LGR4: variants seen among roughly 807,000 people sequenced by gnomAD.
LGR4 encodes the protein leucine rich repeat containing G protein-coupled receptor 4, also known as leucine-rich repeat-containing G protein-coupled receptor 4.
Under a neutral mutation model 84.8 loss-of-function variants are expected in LGR4, and 44 were observed. The ratio of observed to expected loss-of-function variants is 0.52; its 90% CI spans 0.41 to 0.67. The LOEUF is 0.67. LGR4 is among the 30% of genes least tolerant of loss of function. The pLI is 0.00. For synonymous variants in LGR4, 429 were observed against 434.3 expected (o/e 0.99, Z 0.15); for missense variants, 1,032 against 1,131.4 (o/e 0.91, Z 1.26).
Position 27,472,087 on chromosome 11 carries a change from C to CG in LGR4, c.185+30_185+31insC, listed in dbSNP as rs1314833434. On this transcript the variant is annotated intron_variant, in intron 1 of 17. Transcript: ENST00000379214. ...CCCCCGCTGGGCCCCGTTTCCTCCC[C>CG]CCCCCTCGCGTCCCCGCCGCCCGCA... 2.3e-6 allele frequency: 3 copies of CG among 1,279,888 alleles called. No individual in the cohort carries two copies. In the South Asian group the frequency reaches 6.7e-5, roughly 29 times the overall value. The allele number at this position is 1,279,888 out of a possible 1,614,324, so 79.3% of individuals were successfully genotyped here.
chr11:27,423,399 G>A (rs1863959321), intron 1 of LGR4, among the ~76,000 whole-genome samples: 1 of 152,142 alleles, frequency 6.6e-6, no homozygotes, highest in Non-Finnish European at 1.5e-5. Context: ...CAATCACTTC[G>A]CCTCAGGCGA....
intron 1 of LGR4, among the ~76,000 whole-genome samples, chr11:27,448,339 C>T (rs1864427334): frequency 6.7e-6 from 1 of 149,480 alleles, no homozygotes; most frequent in Admixed American, 6.7e-5. Flanking sequence ...GTTGCCCAGG[C>T]TGGAGTGCAA....
chr11:27,400,507 CTTT>C (rs910624511), intron 2 of LGR4, among the ~76,000 whole-genome samples: 5 of 143,878 alleles, frequency 3.5e-5, no homozygotes, highest in Non-Finnish European at 3.1e-5. Flanking sequence ...TTTTCTTTTC[CTTT>C]TTTTTTTTTT....
In LGR4 at chr11:27,385,259, AC is replaced by A; in HGVS notation, c.610del (p.Val204Ter). ...AAAAGGGATAGATACTTACAGAACT[AC>A]CAGGCTTGAAAGGTTGGTAAATGCA... is the stretch of plus-strand genomic sequence containing the variant. ...DFAFTNLSSL[V>X]VLHLHNNKIR... On this transcript the variant is annotated frameshift_variant, in exon 5 of 18. Transcript: ENST00000379214. LOFTEE classifies it high-confidence loss of function. The A allele has an allele frequency of 6.4e-7, 1 of 1,561,092 alleles. No homozygotes were observed. Among genetic ancestry groups the A allele is most frequent in the Non-Finnish European group, 8.7e-7 (1 of 1,149,718 alleles).
At chr11:27,412,888 T>C in intron 1 of LGR4, 28 bp from the exon 2 acceptor site, 1 of 1,424,468 alleles carries the variant, frequency 7.0e-7, no homozygotes. Flanking sequence ...AAGAATATTG[T>C]TAATTAAGTG....
At chr11:27,471,518 C>T (rs1003724981) in intron 1 of LGR4, among the ~76,000 whole-genome samples, 1 of 152,242 alleles carries the variant, frequency 6.6e-6, no homozygotes, top group Non-Finnish European at 1.5e-5. Flanking sequence ...GGGGTAGTCC[C>T]GAGTGGAACT....
Position 27,472,564 on chromosome 11 carries a change from C to T in LGR4, c.-262G>A. On this transcript the variant is annotated 5_prime_UTR_variant, in exon 1 of 18. Coordinates refer to ENST00000379214, the MANE Select transcript of LGR4 (RefSeq NM_018490.5). Reference sequence around the variant, plus strand: ...CGGCGGCTCACGCCAGCCGGGCCGGCCCGGCGCAGCGGCGGGGGCCGCGCT... The same window carrying T: ...CGGCGGCTCACGCCAGCCGGGCCGGTCCGGCGCAGCGGCGGGGGCCGCGCT... 2.6e-6 allele frequency: 1 copy of T among 380,494 alleles called. No individual in the cohort carries two copies. Among genetic ancestry groups the T allele is most frequent in the Non-Finnish European group, 4.7e-6 (1 of 214,264 alleles). The allele number at this position is 380,494 out of a possible 1,614,324, so 23.6% of individuals were successfully genotyped here.
intron 2 of LGR4, among the ~76,000 whole-genome samples, chr11:27,394,415 T>A (rs549733551): frequency 1.4e-4 from 22 of 152,186 alleles, no homozygotes; most frequent in Admixed American, 9.2e-4. Context: ...TATTTATTTA[T>A]TTTTTGAGAC....
intron 1 of LGR4, among the ~76,000 whole-genome samples, chr11:27,427,862 G>A (rs55741440): frequency 0.018 from 2,774 of 152,242 alleles, 80 homozygotes; most frequent in African/African-American, 0.063. Context: ...GAATAGCTGC[G>A]TTTCTCCTTC....
intron 7 of LGR4, among the ~76,000 whole-genome samples, chr11:27,381,542 C>T (rs545660184): frequency 3.3e-5 from 5 of 152,098 alleles, no homozygotes; most frequent in African/African-American, 9.6e-5. Context: ...ATTAGCTGGG[C>T]GTGGTGGTGC....
At chr11:27,472,021 G>C in intron 1 of LGR4, 97 bp downstream of exon 1, 1 of 887,670 alleles carries the variant, frequency 1.1e-6, no homozygotes. Context: ...GCGGCGGGGC[G>C]GGGTGGGGTG....
intron 1 of LGR4, among the ~76,000 whole-genome samples, chr11:27,448,719 G>T (rs919675792): frequency 4.6e-5 from 7 of 152,162 alleles, no homozygotes; most frequent in Non-Finnish European, 1.0e-4. Context: ...TAAAGCTACA[G>T]ATATGTATTT....
At position 27,367,505 on chromosome 11, in the gene LGR4, A is replaced by T. The variant is rs894931415; in HGVS notation, c.*362T>A. The T allele has an allele frequency of 5.6e-5, 9 of 159,400 alleles. No homozygotes were observed. The highest frequency in any genetic ancestry group is 1.8e-4 in the East Asian group (1 of 5,446). 9.9% of individuals were successfully genotyped at this position (159,400 alleles called of 1,614,324 possible). A position where few individuals can be genotyped will look rare whatever the true frequency, so the allele number is the denominator to read the frequency against. ...AAATCACATTTTAAAATAGATTTTT[A>T]AAAAATATTAACAGCTGTTCTTTAT... is the stretch of plus-strand genomic sequence containing the variant. On this transcript the variant is annotated 3_prime_UTR_variant, in exon 18 of 18. Transcript: ENST00000379214.
At chr11:27,465,879 T>C (rs1864767517) in intron 1 of LGR4, among the ~76,000 whole-genome samples, 1 of 152,176 alleles carries the variant, frequency 6.6e-6, no homozygotes, top group African/African-American at 2.4e-5. Context: ...TTTTCTTCAC[T>C]GACAGGATTT....
Position 27,472,118 on chromosome 11 carries a change from A to T in LGR4, c.185T>A (p.Leu62Gln). The T allele has an allele frequency of 9.1e-7, 1 of 1,098,452 alleles. No individual in the cohort carries two copies. The highest frequency in any genetic ancestry group is 2.3e-5 in the South Asian group (1 of 44,198). 68.0% of individuals were successfully genotyped at this position (1,098,452 alleles called of 1,614,324 possible). Reference protein sequence around the residue: ...PEGLSAFTQALDISMNNITQL... With the variant: ...PEGLSAFTQAQDISMNNITQL... ...TCGCGTCCCCGCCGCCCGCACTCAC[A>T]GCGCTTGGGTGAAGGCGCTGAGCCC... Residue 62 changes from leucine (L) to glutamine (Q), a missense_variant and splice_region_variant, in exon 1 of 18, where the codon CTG (leucine) becomes CAG (glutamine). Physicochemically the swap from Leu to Gln is moderately radical, Grantham distance 113. Coordinates refer to ENST00000379214, the MANE Select transcript of LGR4 (RefSeq NM_018490.5).
chr11:27,402,740 C>A (rs867436118), intron 2 of LGR4, among the ~76,000 whole-genome samples: 1 of 152,134 alleles, frequency 6.6e-6, no homozygotes. Flanking sequence ...AAGCATTGTG[C>A]GGTATGCTCA....
chr11:27,413,238 T>C (rs1188525017), intron 1 of LGR4, among the ~76,000 whole-genome samples: 1 of 152,088 alleles, frequency 6.6e-6, no homozygotes, highest in Non-Finnish European at 1.5e-5. Context: ...GTAGAATTTA[T>C]AGGTGAGGGT....
intron 1 of LGR4, among the ~76,000 whole-genome samples, chr11:27,415,135 A>G (rs1257294814): frequency 6.6e-6 from 1 of 152,186 alleles, no homozygotes. Context: ...TCATATCGAA[A>G]GCAAAATAAT....
chr11:27,427,480 G>A (rs1449984418), intron 1 of LGR4, among the ~76,000 whole-genome samples: 4 of 152,116 alleles, frequency 2.6e-5, no homozygotes, highest in Admixed American at 1.3e-4. Flanking sequence ...CTGCAGTCTC[G>A]GAACAACCTA....
Sources: allele counts gnomAD v4.1 joint callset (sites outside exome capture counted in the v4.1 genomes callset), GRCh38; gene constraint gnomAD v4.1.1; transcripts MANE v1.5; gene names NCBI Gene and HGNC (gene_info 2026-07-23, HGNC 2026-07-21).